The following CNTNAP2 variants were observed in gnomAD, a reference collection of about 807,000 sequenced individuals.
The protein encoded by CNTNAP2 is contactin associated protein 2.
Under a neutral mutation model 155.2 loss-of-function variants are expected in CNTNAP2, and 98 were observed. The ratio of observed to expected loss-of-function variants is 0.63; its 90% confidence interval spans 0.54 to 0.75. CNTNAP2 has a LOEUF of 0.75. CNTNAP2 is among the 30% of genes least tolerant of loss of function. CNTNAP2 has a pLI of 0.00. For synonymous variants in CNTNAP2, 651 were observed against 631.2 expected (o/e 1.03, Z -0.47); for missense variants, 1,727 against 1,688.1 (o/e 1.02, Z -0.40).
intron 12 of CNTNAP2, among the ~76,000 whole-genome samples, chr7:147,633,551 A>G (rs1363151704): frequency 1.3e-5 from 2 of 152,168 alleles, no homozygotes; most frequent in East Asian, 3.9e-4. Context: ...GGCCAGGAGA[A>G]GAATGGTATG....
At chr7:147,654,640 CA>C (rs1055473246) in intron 13 of CNTNAP2, among the ~76,000 whole-genome samples, 1 of 152,066 alleles carries the variant, frequency 6.6e-6, no homozygotes, top group Non-Finnish European at 1.5e-5. Context: ...TGTTTGGAAT[CA>C]ACTTCTTTCA....
chr7:146,803,007 T>C (rs1428527514), intron 2 of CNTNAP2, among the ~76,000 whole-genome samples: 2 of 152,024 alleles, frequency 1.3e-5, no homozygotes, highest in Non-Finnish European at 2.9e-5. Context: ...AAGTGAAAAA[T>C]CTGAGATCTT....
intron 1 of CNTNAP2, among the ~76,000 whole-genome samples, chr7:146,500,789 G>A (rs192452300): frequency 2.4e-3 from 362 of 152,216 alleles, no homozygotes; most frequent in Non-Finnish European, 4.1e-3. Flanking sequence ...AGATATTTAT[G>A]TGTTGTTCCT....
chr7:146,872,024 G>T (rs1461737070), intron 3 of CNTNAP2, among the ~76,000 whole-genome samples: 1 of 151,890 alleles, frequency 6.6e-6, no homozygotes, highest in African/African-American at 2.4e-5. Flanking sequence ...CATGAAAATT[G>T]CCTGCAAGCA....
At chr7:147,971,643 T>G (rs1801336678) in intron 14 of CNTNAP2, among the ~76,000 whole-genome samples, 1 of 152,242 alleles carries the variant, frequency 6.6e-6, no homozygotes, top group Admixed American at 6.5e-5. Context: ...TCCTCTTTAT[T>G]GTCTAATAAT....
intron 14 of CNTNAP2, among the ~76,000 whole-genome samples, chr7:147,907,945 T>C (rs1799994142): frequency 6.6e-6 from 1 of 151,610 alleles, no homozygotes; most frequent in South Asian, 2.1e-4. Flanking sequence ...AATTTTTTTT[T>C]TTTTGTATTT....
intron 8 of CNTNAP2, among the ~76,000 whole-genome samples, chr7:147,256,887 A>AG (rs1485425771): frequency 6.6e-6 from 1 of 152,098 alleles, no homozygotes; most frequent in East Asian, 1.9e-4. Context: ...TGAAGGCTCC[A>AG]GGAAAAAAAA....
intron 21 of CNTNAP2, among the ~76,000 whole-genome samples, chr7:148,341,179 A>C (rs1798223897): frequency 6.6e-6 from 1 of 152,188 alleles, no homozygotes; most frequent in Admixed American, 6.5e-5. Flanking sequence ...TTCCGCTTCT[A>C]CTGTAATGGT....
intron 1 of CNTNAP2, among the ~76,000 whole-genome samples, chr7:146,662,880 T>C (rs1800117120): frequency 6.6e-6 from 1 of 152,308 alleles, no homozygotes; most frequent in South Asian, 2.1e-4. Flanking sequence ...TGACCTTATA[T>C]TTGCGAGTCT....
intron 8 of CNTNAP2, among the ~76,000 whole-genome samples, chr7:147,246,535 G>T (rs989481688): frequency 5.3e-5 from 8 of 152,152 alleles, no homozygotes; most frequent in African/African-American, 1.7e-4. Context: ...TACGATGGAA[G>T]AGGCAAGCCA....
At chr7:148,302,428 C>A (rs923780835) in intron 21 of CNTNAP2, among the ~76,000 whole-genome samples, 2 of 152,176 alleles carry the variant, frequency 1.3e-5, no homozygotes, top group African/African-American at 4.8e-5. Context: ...GCCTCCTTCT[C>A]CCTTGCCCTG....
chr7:147,283,291 C>A (rs2116730210), intron 8 of CNTNAP2, among the ~76,000 whole-genome samples: 1 of 151,554 alleles, frequency 6.6e-6, no homozygotes, highest in Non-Finnish European at 1.5e-5. Flanking sequence ...TGGAAAAAGT[C>A]CATATTATGA....
chr7:148,293,129 A>C lies in CNTNAP2; in HGVS notation c.3475+26003A>C, dbSNP rs1797219601. On this transcript the variant is annotated intron_variant, in intron 21 of 23. Transcript: ENST00000361727. ...AATCTGCTAAATGAATTTGAATTAA[A>C]TTGTTCTAATGCTTTCTTTTTCTTT... 2.0e-5 allele frequency among the ~76,000 whole-genome samples: 3 copies of C among 152,090 alleles called. No homozygotes were observed. In the South Asian group the frequency reaches 6.2e-4, roughly 32 times the overall value.
At chr7:148,104,762 T>C (rs112462733) in intron 15 of CNTNAP2, among the ~76,000 whole-genome samples, 2,113 of 152,264 alleles carry the variant, frequency 0.014, 51 homozygotes, top group African/African-American at 0.047. Flanking sequence ...GAGGACCCGG[T>C]GAAGATGACT....
intron 11 of CNTNAP2, among the ~76,000 whole-genome samples, chr7:147,488,755 C>T (rs967865717): frequency 6.6e-6 from 1 of 152,050 alleles, no homozygotes; most frequent in African/African-American, 2.4e-5. Context: ...GGCCTTTTTG[C>T]TTGGTCACTC....
chr7:147,285,005 G>T (rs1805144369), intron 8 of CNTNAP2, among the ~76,000 whole-genome samples: 1 of 151,870 alleles, frequency 6.6e-6, no homozygotes, highest in Non-Finnish European at 1.5e-5. Context: ...TATATCTGCA[G>T]CCTGGGTGCA....
intron 1 of CNTNAP2, among the ~76,000 whole-genome samples, chr7:146,309,820 G>A (rs947983688): frequency 6.8e-6 from 1 of 145,986 alleles, no homozygotes; most frequent in Non-Finnish European, 1.5e-5. Context: ...AAAAAAGAAA[G>A]AAGAAAGGAA....
At chr7:147,094,096 G>A (rs1449658935) in intron 4 of CNTNAP2, among the ~76,000 whole-genome samples, 2 of 152,102 alleles carry the variant, frequency 1.3e-5, no homozygotes, top group Admixed American at 6.6e-5. Flanking sequence ...AAAACTTGGG[G>A]CAGCCGCAAC....
chr7:147,826,362 A>G (rs1798449725), intron 13 of CNTNAP2, among the ~76,000 whole-genome samples: 1 of 152,230 alleles, frequency 6.6e-6, no homozygotes, highest in South Asian at 2.1e-4. Context: ...TTAAGAATCC[A>G]TAATTCTGAT....
Sources: allele counts gnomAD v4.1 joint callset (sites outside exome capture counted in the v4.1 genomes callset), GRCh38; gene constraint gnomAD v4.1.1; transcripts MANE v1.5; gene names NCBI Gene and HGNC (gene_info 2026-07-23, HGNC 2026-07-21).